The following CADM1 variants were observed in gnomAD, a reference collection of about 807,000 sequenced individuals.
CADM1 encodes the protein TSLC-1.
A neutral mutation model predicts 53.1 loss-of-function variants in CADM1; 15 were observed. That is an observed-to-expected ratio of 0.28 (90% CI 0.19 to 0.44). The LOEUF (loss-of-function observed/expected upper bound fraction) is 0.44. CADM1 is among the 20% of genes least tolerant of loss of function. The pLI is 1.00. For missense variants in CADM1, 434 were observed against 611.3 expected, an observed-to-expected ratio of 0.71 and a Z score of 3.06; for synonymous variants, 281 against 243.0, an observed-to-expected ratio of 1.16 and a Z score of -1.45.
chr11:115,407,639 A>G (rs1254745540), intron 1 of CADM1, among the ~76,000 whole-genome samples: 5 of 152,002 alleles, frequency 3.3e-5, no homozygotes, highest in Admixed American at 3.3e-4. Context: ...CATGCCTGTA[A>G]TCCCAACACT....
At chr11:115,196,484 A>G (rs1477245240) in intron 9 of CADM1, among the ~76,000 whole-genome samples, 1 of 149,978 alleles carries the variant, frequency 6.7e-6, no homozygotes, top group Non-Finnish European at 1.5e-5. Context: ...TAGGAATTGT[A>G]TGGTTACATT....
At chr11:115,357,147 G>C (rs1031431752) in intron 1 of CADM1, among the ~76,000 whole-genome samples, 3 of 151,948 alleles carry the variant, frequency 2.0e-5, no homozygotes, top group Non-Finnish European at 4.4e-5. Context: ...AATGTCCCTC[G>C]GGCCTTTCAG....
chr11:115,468,949 A>G (rs531091707), intron 1 of CADM1, among the ~76,000 whole-genome samples: 4 of 152,294 alleles, frequency 2.6e-5, no homozygotes, highest in African/African-American at 9.6e-5. Context: ...CCCCTTTATA[A>G]AACCATCAGA....
chr11:115,412,762 C>A (rs1029663940), intron 1 of CADM1, among the ~76,000 whole-genome samples: 8 of 152,142 alleles, frequency 5.3e-5, no homozygotes, highest in African/African-American at 1.9e-4. Flanking sequence ...CTATCCTAAG[C>A]CAATTTAAAA....
intron 1 of CADM1, among the ~76,000 whole-genome samples, chr11:115,308,211 T>TATATATATATATATATAC (rs139012671): frequency 1.4e-5 from 2 of 139,422 alleles, no homozygotes; most frequent in South Asian, 2.3e-4. Context: ...TATATATATA[T>TATATATATATATATATAC]ACACACCTAT....
chr11:115,364,541 A>G (rs1028556619), intron 1 of CADM1, among the ~76,000 whole-genome samples: 3 of 131,340 alleles, frequency 2.3e-5, no homozygotes, highest in African/African-American at 8.5e-5. Context: ...GGGGGAAAAT[A>G]TAAAGCACTA....
intron 1 of CADM1, among the ~76,000 whole-genome samples, chr11:115,494,592 T>C (rs1403145110): frequency 1.3e-5 from 2 of 152,172 alleles, no homozygotes; most frequent in Non-Finnish European, 2.9e-5. Flanking sequence ...CACGGTGTTC[T>C]TCAGTTTCAC....
intron 1 of CADM1, among the ~76,000 whole-genome samples, chr11:115,310,496 T>A (rs551859309): frequency 2.6e-5 from 4 of 151,998 alleles, no homozygotes; most frequent in Non-Finnish European, 5.9e-5. Context: ...CATGTATGTA[T>A]GGGGGGGTGG....
Position 115,332,630 on chromosome 11 carries a change from C to T in CADM1, c.125-92210G>A, listed in dbSNP as rs140490838. Among the ~76,000 whole-genome samples the T allele has an allele frequency of 6.6e-3, 1,003 of 152,160 alleles. 9 individuals are homozygous for T. The highest frequency in any genetic ancestry group is 0.024 in the Middle Eastern group (7 of 294). On this transcript the variant is annotated intron_variant, in intron 1 of 11. Coordinates refer to ENST00000331581, the MANE Select transcript of CADM1 (RefSeq NM_001301043.2). ...TATGGCACTTACATATGCTCGATAACGTGTCAATTTCCACATCTAAGAATG... is the reference window on the plus strand; with the variant it reads ...TATGGCACTTACATATGCTCGATAATGTGTCAATTTCCACATCTAAGAATG...
intron 1 of CADM1, among the ~76,000 whole-genome samples, chr11:115,494,872 G>C (rs1949575432): frequency 6.6e-6 from 1 of 152,050 alleles, no homozygotes; most frequent in South Asian, 2.1e-4. Flanking sequence ...TAAAGCACTG[G>C]GTTTTACTAT....
At chr11:115,259,523 C>T (rs1439719777) in intron 1 of CADM1, among the ~76,000 whole-genome samples, 1 of 152,036 alleles carries the variant, frequency 6.6e-6, no homozygotes, top group African/African-American at 2.4e-5. Flanking sequence ...CCAGGCTGGT[C>T]TCAAACTCCT....
At chr11:115,223,777 A>C (rs1941491948) in intron 5 of CADM1, among the ~76,000 whole-genome samples, 1 of 152,186 alleles carries the variant, frequency 6.6e-6, no homozygotes, top group Non-Finnish European at 1.5e-5. Context: ...ACTTGGAACC[A>C]ACACTACTCT....
intron 1 of CADM1, among the ~76,000 whole-genome samples, chr11:115,297,029 C>T (rs1265112001): frequency 6.6e-6 from 1 of 152,182 alleles, no homozygotes; most frequent in Non-Finnish European, 1.5e-5. Flanking sequence ...GAACAAGCTT[C>T]TTTTGTATCC....
chr11:115,224,279 G>A (rs1287827435), intron 5 of CADM1, among the ~76,000 whole-genome samples: 1 of 146,648 alleles, frequency 6.8e-6, no homozygotes, highest in African/African-American at 2.6e-5. Flanking sequence ...CTCCAGTTGA[G>A]GGAATGAAAG....
chr11:115,324,014 A>G (rs1944893745), intron 1 of CADM1, among the ~76,000 whole-genome samples: 1 of 118,868 alleles, frequency 8.4e-6, no homozygotes, highest in Non-Finnish European at 1.7e-5. Flanking sequence ...TCAGGAGAGG[A>G]TCTGGGTTAA....
chr11:115,214,475 G>T (rs1365649743), intron 7 of CADM1, 133 bp downstream of exon 7: 1 of 840,106 alleles, frequency 1.2e-6, no homozygotes, highest in Non-Finnish European at 2.0e-6. Context: ...CCTCAGGCCA[G>T]GCTTCTTTAA....
At chr11:115,281,619 G>A (rs1246939156) in intron 1 of CADM1, among the ~76,000 whole-genome samples, 1 of 151,978 alleles carries the variant, frequency 6.6e-6, no homozygotes, top group Non-Finnish European at 1.5e-5. Flanking sequence ...GTTCTTCAAG[G>A]AAATCATTTA....
chr11:115,243,622 T>C (rs1400424376), intron 1 of CADM1, among the ~76,000 whole-genome samples: 3 of 152,210 alleles, frequency 2.0e-5, no homozygotes, highest in Non-Finnish European at 4.4e-5. Context: ...GAAGCCTTTA[T>C]GTAAAAATAA....
intron 1 of CADM1, among the ~76,000 whole-genome samples, chr11:115,268,713 G>C (rs773258293): frequency 1.7e-4 from 26 of 152,204 alleles, no homozygotes; most frequent in Non-Finnish European, 3.1e-4. Context: ...CAATCACAGG[G>C]ATGTGCTGCG....
Sources: allele counts gnomAD v4.1 joint callset (sites outside exome capture counted in the v4.1 genomes callset), GRCh38; gene constraint gnomAD v4.1.1; transcripts MANE v1.5; gene names NCBI Gene and HGNC (gene_info 2026-07-23, HGNC 2026-07-21).